The following WWOX variants were observed in gnomAD, a reference collection of about 807,000 sequenced individuals.
WWOX encodes WW domain containing oxidoreductase, also known as WW domain-containing oxidoreductase.
In WWOX, 69 loss-of-function variants were observed where a neutral mutation model predicts 46.2. The observed-to-expected ratio is 1.49, with a 90% CI of 1.23 to 1.82. The LOEUF (loss-of-function observed/expected upper bound fraction) is 1.82. Ranked by LOEUF, WWOX falls within the 40% of genes most tolerant of loss-of-function variation. The pLI is 0.00. For missense variants in WWOX, 919 were observed against 542.6 expected, an observed-to-expected ratio of 1.69 and a Z score of -6.89; for synonymous variants, 359 against 202.6, an observed-to-expected ratio of 1.77 and a Z score of -6.56.
At chr16:78,539,474 T>G (rs2043836268) in intron 8 of WWOX, among the ~76,000 whole-genome samples, 1 of 152,228 alleles carries the variant, frequency 6.6e-6, no homozygotes, top group Non-Finnish European at 1.5e-5. Context: ...AGTAAGCAAT[T>G]CTGCATCGAT....
intron 8 of WWOX, among the ~76,000 whole-genome samples, chr16:79,211,032 GGAGT>G (rs1010384234): frequency 2.4e-3 from 73 of 30,458 alleles, no homozygotes; most frequent in African/African-American, 8.8e-3. Flanking sequence ...TGTATGGTGA[GGAGT>G]GTGTGTGTGT....
At chr16:79,153,525 C>T (rs991325858) in intron 8 of WWOX, among the ~76,000 whole-genome samples, 1 of 152,274 alleles carries the variant, frequency 6.6e-6, no homozygotes, top group South Asian at 2.1e-4. Flanking sequence ...CGGCAATGCA[C>T]TTGTGGAAAT....
chr16:78,872,160 T>C (rs985740943), intron 8 of WWOX, among the ~76,000 whole-genome samples: 1 of 152,214 alleles, frequency 6.6e-6, no homozygotes, highest in African/African-American at 2.4e-5. Flanking sequence ...GCAGGTACTT[T>C]TAGAGACGAT....
intron 5 of WWOX, chr16:78,168,385 G>A (rs1180758321): frequency 1.3e-5 from 2 of 151,592 alleles, no homozygotes; most frequent in Non-Finnish European, 2.9e-5. Flanking sequence ...CATATGCTGT[G>A]TCAGGCACTT....
chr16:78,262,941 G>C (rs1297379793), intron 5 of WWOX, among the ~76,000 whole-genome samples: 3 of 152,178 alleles, frequency 2.0e-5, no homozygotes, highest in Non-Finnish European at 2.9e-5. Context: ...CAAACAACAA[G>C]GAGAGACAAA....
intron 8 of WWOX, among the ~76,000 whole-genome samples, chr16:78,620,690 T>C (rs545690577): frequency 2.0e-4 from 24 of 117,328 alleles, no homozygotes; most frequent in African/African-American, 4.1e-4. Context: ...TCAGGAAATA[T>C]GGTTTTTTTT....
rs1212903851 is a variant in WWOX, at chr16:78,164,210, T to C, written c.437T>C (p.Leu146Pro). The change falls in exon 5 of 9, where the codon CTC (leucine) becomes CCC (proline). Residue 146 changes from leucine to proline, a missense_variant. Physicochemically the swap from Leu to Pro is moderately conservative, Grantham distance 98. Transcript: ENST00000566780. Reference protein sequence around the residue: ...IGFETAKSFALHGAHVILACR... With the variant: ...IGFETAKSFAPHGAHVILACR... Reference sequence around the variant, plus strand: ...TTCGAAACCGCCAAGTCTTTTGCCCTCCATGGTGCACATGTGATCTTGGCC... The same window carrying C: ...TTCGAAACCGCCAAGTCTTTTGCCCCCCATGGTGCACATGTGATCTTGGCC... 6.2e-7 allele frequency: 1 copy of C among 1,614,142 alleles called. No individual in the cohort carries two copies. Among genetic ancestry groups the C allele is most frequent in the Non-Finnish European group, 8.5e-7 (1 of 1,180,022 alleles).
At chr16:78,588,162 A>T (rs2045263870) in intron 8 of WWOX, among the ~76,000 whole-genome samples, 1 of 152,122 alleles carries the variant, frequency 6.6e-6, no homozygotes, top group African/African-American at 2.4e-5. Context: ...AATTGGATAA[A>T]TGGTGAAGTT....
chr16:78,125,046 G>A (rs890149820), intron 4 of WWOX, among the ~76,000 whole-genome samples: 5 of 152,176 alleles, frequency 3.3e-5, no homozygotes, highest in Non-Finnish European at 7.4e-5. Context: ...CACAGAAACT[G>A]AAGTTAAAGC....
intron 5 of WWOX, among the ~76,000 whole-genome samples, chr16:78,285,762 G>C (rs1198936360): frequency 6.6e-6 from 1 of 152,144 alleles, no homozygotes; most frequent in Non-Finnish European, 1.5e-5. Flanking sequence ...GACAAAGTAG[G>C]TTGCTTACTT....
At chr16:78,994,805 G>T (rs1246175656) in intron 8 of WWOX, among the ~76,000 whole-genome samples, 1 of 152,008 alleles carries the variant, frequency 6.6e-6, no homozygotes, top group Non-Finnish European at 1.5e-5. Context: ...GCAGGGTTTC[G>T]CCGTGTCATG....
At chr16:79,206,029 G>C (rs1041032076) in intron 8 of WWOX, 70 of 152,186 alleles carry the variant, frequency 4.6e-4, no homozygotes, top group Non-Finnish European at 2.1e-4. Flanking sequence ...TTTTTAGTAA[G>C]GGTCACTTGC....
In WWOX at chr16:78,244,758, C is replaced by T. The variant is rs921524680; in HGVS notation, c.516+80469C>T. Among the ~76,000 whole-genome samples the T allele has an allele frequency of 7.9e-5, 12 of 152,236 alleles. No homozygotes were observed. In the East Asian group the frequency reaches 9.7e-4, roughly 12 times the overall value. On this transcript the variant is annotated intron_variant, in intron 5 of 8. Coordinates refer to ENST00000566780, the MANE Select transcript of WWOX (RefSeq NM_016373.4). ...ACTAATTCCTGTGGAATGAAGTAGG[C>T]GGGCCCGAAATGTACAGCCCTTATC...
chr16:78,548,538 C>T (rs995464109), intron 8 of WWOX, among the ~76,000 whole-genome samples: 4 of 152,092 alleles, frequency 2.6e-5, no homozygotes, highest in African/African-American at 7.2e-5. Flanking sequence ...ACATCACTGC[C>T]TCATTGGATG....
At chr16:78,705,233 C>G (rs918067496) in intron 8 of WWOX, among the ~76,000 whole-genome samples, 2 of 152,192 alleles carry the variant, frequency 1.3e-5, no homozygotes, top group Admixed American at 6.5e-5. Context: ...GATTTTTCAT[C>G]TGAGAGGTTT....
At chr16:78,773,890 A>T (rs1016417099) in intron 8 of WWOX, among the ~76,000 whole-genome samples, 62 of 152,190 alleles carry the variant, frequency 4.1e-4, no homozygotes, top group African/African-American at 1.5e-3. Context: ...GCATACTTGT[A>T]TGGGAGATCC....
chr16:78,396,323 G>A (rs748510575), intron 6 of WWOX, among the ~76,000 whole-genome samples: 2 of 152,210 alleles, frequency 1.3e-5, no homozygotes, highest in African/African-American at 2.4e-5. Flanking sequence ...AAGTTAGTGA[G>A]CCTTTTTGCC....
At chr16:79,006,517 T>C (rs1048575711) in intron 8 of WWOX, among the ~76,000 whole-genome samples, 16 of 152,092 alleles carry the variant, frequency 1.1e-4, no homozygotes, top group African/African-American at 3.6e-4. Context: ...TTTTTTTTTT[T>C]CCTTCCATTT....
At chr16:78,722,047 C>G (rs145688224) in intron 8 of WWOX, among the ~76,000 whole-genome samples, 1 of 152,198 alleles carries the variant, frequency 6.6e-6, no homozygotes, top group Non-Finnish European at 1.5e-5. Context: ...TTAATACTTG[C>G]TTAAATCAAG....
Sources: allele counts gnomAD v4.1 joint callset (sites outside exome capture counted in the v4.1 genomes callset), GRCh38; gene constraint gnomAD v4.1.1; transcripts MANE v1.5; gene names NCBI Gene and HGNC (gene_info 2026-07-23, HGNC 2026-07-21).